AVEN: variants seen among roughly 807,000 people sequenced by gnomAD.
AVEN encodes the protein apoptosis and caspase activation inhibitor.
AVEN carries 41 observed loss-of-function variants against 38.1 expected under a neutral mutation model. That is an observed-to-expected ratio of 1.08 (90% CI 0.84 to 1.40). The LOEUF (loss-of-function observed/expected upper bound fraction) is 1.40, where lower values mean the gene tolerates loss of function less well. Among genes scored for constraint, AVEN ranks in the 40% most tolerant of loss-of-function variants. AVEN has a pLI of 0.00. For missense variants in AVEN, 605 were observed against 438.8 expected, an observed-to-expected ratio of 1.38 and a Z score of -3.38; for synonymous variants, 206 against 171.8, an observed-to-expected ratio of 1.20 and a Z score of -1.56.
upstream of AVEN, among the ~76,000 whole-genome samples, chr15:34,075,242 G>A (rs1394579412): frequency 6.7e-6 from 1 of 148,608 alleles, no homozygotes; most frequent in Non-Finnish European, 1.5e-5. Context: ...AAGGAAAGAA[G>A]TTTAATTTAC....
intron 1 of AVEN, among the ~76,000 whole-genome samples, chr15:34,015,940 A>G (rs1244887464): frequency 6.6e-6 from 1 of 152,216 alleles, no homozygotes; most frequent in Non-Finnish European, 1.5e-5. Context: ...TTTCCTTCAA[A>G]TAATACACCC....
intron 2 of AVEN, among the ~76,000 whole-genome samples, chr15:33,898,933 AAGG>A (rs1452024559): frequency 6.6e-6 from 1 of 152,216 alleles, no homozygotes; most frequent in Non-Finnish European, 1.5e-5. Flanking sequence ...AAGAGATATA[AAGG>A]AGAAGAGTAG....
intron 2 of AVEN, among the ~76,000 whole-genome samples, chr15:33,935,815 C>T (rs1344147810): frequency 6.6e-6 from 1 of 152,014 alleles, no homozygotes; most frequent in Non-Finnish European, 1.5e-5. Context: ...TTTTAATGTG[C>T]TTTGACTATT....
chr15:33,877,400 A>G (rs1729734648), intron 2 of AVEN, among the ~76,000 whole-genome samples: 1 of 152,282 alleles, frequency 6.6e-6, no homozygotes, highest in South Asian at 2.1e-4. Flanking sequence ...ATCTGAAGAA[A>G]CAATGCTGTG....
downstream of AVEN, chr15:33,854,472 C>G: frequency 6.5e-7 from 1 of 1,543,426 alleles, no homozygotes; most frequent in South Asian, 1.2e-5. Flanking sequence ...CCTGGAAAAA[C>G]AAAATTCTAT....
chr15:33,902,413 T>G (rs1892529771), intron 2 of AVEN, among the ~76,000 whole-genome samples: 1 of 152,234 alleles, frequency 6.6e-6, no homozygotes, highest in Non-Finnish European at 1.5e-5. Flanking sequence ...CTTCACAGTT[T>G]AAGCATACAA....
downstream of AVEN, among the ~76,000 whole-genome samples, chr15:33,863,468 C>G (rs959988818): frequency 3.3e-5 from 5 of 152,138 alleles, no homozygotes; most frequent in African/African-American, 1.2e-4. Flanking sequence ...TCACCAACTT[C>G]ACAATCCTTT....
chr15:33,862,632 A>G (rs750084407), downstream of AVEN, among the ~76,000 whole-genome samples: 4 of 151,870 alleles, frequency 2.6e-5, no homozygotes, highest in Non-Finnish European at 5.9e-5. Flanking sequence ...TTTTTTATTT[A>G]TTGAGACAGT....
chr15:33,997,975 T>C (rs1897003944), intron 2 of AVEN, among the ~76,000 whole-genome samples: 1 of 152,158 alleles, frequency 6.6e-6, no homozygotes, highest in South Asian at 2.1e-4. Flanking sequence ...TAGGAAACTA[T>C]ACTTTCCCAC....
chr15:33,996,853 G>A (rs1214051114), intron 2 of AVEN, among the ~76,000 whole-genome samples: 1 of 152,236 alleles, frequency 6.6e-6, no homozygotes. Flanking sequence ...GATGGAGAAT[G>A]ACTTTGATGA....
chr15:33,862,038 T>C (rs751115804), downstream of AVEN, among the ~76,000 whole-genome samples: 3 of 152,174 alleles, frequency 2.0e-5, no homozygotes, highest in African/African-American at 4.8e-5. Flanking sequence ...CTTGAACCTA[T>C]TGGGTGCTAG....
intron 2 of AVEN, among the ~76,000 whole-genome samples, chr15:33,892,770 G>C (rs901496573): frequency 6.6e-6 from 1 of 151,654 alleles, no homozygotes; most frequent in Non-Finnish European, 1.5e-5. Flanking sequence ...AAAGTCATTG[G>C]TAGCTTGATG....
chr15:34,007,300 T>C (rs1897399483), intron 1 of AVEN, among the ~76,000 whole-genome samples: 1 of 152,096 alleles, frequency 6.6e-6, no homozygotes, highest in Non-Finnish European at 1.5e-5. Context: ...AAAAATGAAA[T>C]AAAAAAATGA....
intron 2 of AVEN, among the ~76,000 whole-genome samples, chr15:33,889,549 C>A (rs1226123651): frequency 6.6e-6 from 1 of 151,918 alleles, no homozygotes; most frequent in Non-Finnish European, 1.5e-5. Context: ...TTCTCTGCCT[C>A]TTCCCCCTCC....
chr15:33,858,039 G>A, downstream of AVEN: 2 of 1,250,980 alleles, frequency 1.6e-6, no homozygotes, highest in Non-Finnish European at 2.2e-6. Context: ...ACAGAGCACA[G>A]CAGAGATTAA....
chr15:33,990,002 A>C (rs1896648938), intron 2 of AVEN, among the ~76,000 whole-genome samples: 1 of 151,672 alleles, frequency 6.6e-6, no homozygotes, highest in African/African-American at 2.4e-5. Flanking sequence ...TCAGGAGTTG[A>C]GACCAGCCTG....
In AVEN at chr15:33,932,834, CAAACAAAT is replaced by C. The variant is rs1472336329; in HGVS notation, c.446-56847_446-56840del. Among the ~76,000 whole-genome samples, 552 of 139,972 alleles carry C rather than the reference CAAACAAAT, an allele frequency of 3.9e-3. 1 individual carries two copies. Among genetic ancestry groups the C allele is most frequent in the African/African-American group, 0.015 (534 of 35,732 alleles). The allele number at this position is 139,972 out of a possible 152,430, so 91.8% of individuals were successfully genotyped here. A position where few individuals can be genotyped will look rare whatever the true frequency, so the allele number is the denominator to read the frequency against. ...GAGCAAGACTCCATCACAAAATAAA[CAAACAAAT>C]AAATAAATAAATAAATAAATAAAAA... On this transcript the variant is annotated intron_variant, in intron 2 of 5. Coordinates refer to ENST00000306730, the MANE Select transcript of AVEN (RefSeq NM_020371.3).
At chr15:33,888,754 T>TTGTG (rs950936133) in intron 2 of AVEN, among the ~76,000 whole-genome samples, 2 of 151,788 alleles carry the variant, frequency 1.3e-5, no homozygotes, top group East Asian at 1.9e-4. Context: ...AATTCTTTTT[T>TTGTG]TGTGTGTGTG....
intron 2 of AVEN, among the ~76,000 whole-genome samples, chr15:33,902,451 A>G (rs1423746226): frequency 1.3e-5 from 2 of 152,350 alleles, no homozygotes; most frequent in South Asian, 4.1e-4. Flanking sequence ...AATAAAGGTC[A>G]CTCATGAAAA....
Sources: gnomAD v4.1 joint callset for allele counts (sites outside exome capture counted in the v4.1 genomes callset) on GRCh38, gnomAD v4.1.1 for gene constraint, MANE v1.5 for transcripts, NCBI Gene and HGNC (gene_info 2026-07-23, HGNC 2026-07-21) for gene names.